TCF7L2: variants seen among roughly 807,000 people sequenced by gnomAD.
TCF7L2 encodes the protein transcription factor 7-like 2.
TCF7L2 carries 23 observed loss-of-function variants against 77.9 expected under a neutral mutation model. That is an observed-to-expected ratio of 0.30 (90% CI 0.21 to 0.42). The LOEUF (loss-of-function observed/expected upper bound fraction) is 0.42. TCF7L2 is among the 10% of genes least tolerant of loss of function. The probability of loss-of-function intolerance (pLI) is 1.00; values close to 1 mark genes in which losing one functional copy is unlikely to be tolerated. For missense variants in TCF7L2, 654 were observed against 793.1 expected (o/e 0.82, Z 2.11); for synonymous variants, 413 against 340.2 (o/e 1.21, Z -2.36).
rs1273523890 is a variant in TCF7L2 at position 113,151,972 on chromosome 10, C to G, written c.1161+88C>G. On this transcript the variant is annotated intron_variant, in intron 10 of 13. Coordinates refer to ENST00000627217, the MANE Select transcript of TCF7L2 (RefSeq NM_001146274.2). This position sits in a 1 kb window ranked among gnomAD's most constrained non-coding sequence, Gnocchi z 5.2. ...GTCAGGTGGCAGAATGTCTCTGTCC[C>G]CATTTCTTTGGAGAATTCTTGCCCT... is the stretch of plus-strand genomic sequence containing the variant. 2 of 1,501,838 alleles carry G rather than the reference C, an allele frequency of 1.3e-6. No homozygotes were observed. The highest frequency in any genetic ancestry group is 1.8e-6 in the Non-Finnish European group (2 of 1,126,990). The allele number at this position is 1,501,838 out of a possible 1,614,324, so 93.0% of individuals were successfully genotyped here.
rs139247223 is a variant in TCF7L2, at chr10:113,031,580, C to T, written c.451-8445C>T. 4.8e-3 allele frequency among the ~76,000 whole-genome samples: 732 copies of T among 151,860 alleles called. 8 individuals carry two copies. The highest frequency in any genetic ancestry group is 0.017 in the African/African-American group (696 of 41,350). On this transcript the variant is annotated intron_variant, in intron 4 of 13. Transcript: ENST00000627217. The stretch of plus-strand genomic sequence containing the variant: ...TTGGCTCACTATAACCTCTGCCTCC[C>T]AGGTTCAAGCAATTCTCCTGCTTTA...
intron 4 of TCF7L2, among the ~76,000 whole-genome samples, chr10:113,010,045 C>T (rs1261056230): frequency 6.6e-6 from 1 of 151,822 alleles, no homozygotes; most frequent in Non-Finnish European, 1.5e-5. Context: ...ATCTAGTTGG[C>T]TGGAACACAC....
At position 113,165,741 on chromosome 10, in the gene TCF7L2, G is replaced by A. The variant is rs2137651762; in HGVS notation, c.1578G>A (p.Leu526=). ...CGCTGTCCCTGAAGCCCGACCCCCT[G>A]GCCCACCTGTCCATGATGCCTCCGC... The change falls in exon 14 of 14, where the codon CTG becomes CTA. Residue 526 remains leucine (L), a synonymous_variant. Coordinates refer to ENST00000627217, the MANE Select transcript of TCF7L2 (RefSeq NM_001146274.2). 1 of 1,608,110 alleles carries A rather than the reference G, an allele frequency of 6.2e-7. No individual in the cohort carries two copies. Among genetic ancestry groups the A allele is most frequent in the Non-Finnish European group, 8.5e-7 (1 of 1,178,576 alleles).
intron 5 of TCF7L2, among the ~76,000 whole-genome samples, chr10:113,133,565 A>G (rs1247730424): frequency 6.6e-6 from 1 of 152,232 alleles, no homozygotes; most frequent in East Asian, 1.9e-4. Flanking sequence ...ACTTGAAGTG[A>G]TCGAGTTAGT....
chr10:113,013,755 A>G (rs982648454), intron 4 of TCF7L2, among the ~76,000 whole-genome samples: 4 of 152,192 alleles, frequency 2.6e-5, no homozygotes, highest in South Asian at 2.1e-4. Context: ...TCTGAGGTCT[A>G]CGGACCACTG....
At chr10:113,073,329 A>G (rs1179173976) in intron 5 of TCF7L2, among the ~76,000 whole-genome samples, 1 of 151,456 alleles carries the variant, frequency 6.6e-6, no homozygotes, top group Non-Finnish European at 1.5e-5. Context: ...TTGAATTATC[A>G]TCTTGGTGAT....
chr10:113,093,790 G>GA (rs1295792262), intron 5 of TCF7L2, among the ~76,000 whole-genome samples: 1 of 152,150 alleles, frequency 6.6e-6, no homozygotes, highest in African/African-American at 2.4e-5. Flanking sequence ...AATAGGGTGT[G>GA]ACCCATGGCA....
chr10:113,102,435 T>G (rs564602882), intron 5 of TCF7L2, among the ~76,000 whole-genome samples: 102 of 151,726 alleles, frequency 6.7e-4, no homozygotes, highest in East Asian at 1.2e-3. Context: ...TTGTTTTTTT[T>G]TTTTTTTGAG....
At chr10:113,069,896 C>T (rs941461484) in intron 5 of TCF7L2, among the ~76,000 whole-genome samples, 1 of 152,000 alleles carries the variant, frequency 6.6e-6, no homozygotes. Flanking sequence ...GATAGCGGCT[C>T]CCACTGGATC....
At chr10:113,157,126 T>G (rs1210582335) in intron 11 of TCF7L2, among the ~76,000 whole-genome samples, 2 of 152,182 alleles carry the variant, frequency 1.3e-5, no homozygotes, top group Admixed American at 6.5e-5. Context: ...GTTTTTTGTT[T>G]TTTTGTTTTT....
At chr10:113,043,853 G>A (rs1490795457) in intron 5 of TCF7L2, among the ~76,000 whole-genome samples, 1 of 152,070 alleles carries the variant, frequency 6.6e-6, no homozygotes, top group Non-Finnish European at 1.5e-5. Flanking sequence ...GTCTTGGCTG[G>A]TAAGCTGTGG....
intron 8 of TCF7L2, 57 bp from the exon 9 acceptor site, chr10:113,150,941 T>C: frequency 1.2e-6 from 2 of 1,609,806 alleles, no homozygotes; most frequent in Non-Finnish European, 1.7e-6. Flanking sequence ...TGTGTACACA[T>C]CCCTCCTCAT....
chr10:113,080,153 G>A (rs894873141), intron 5 of TCF7L2, among the ~76,000 whole-genome samples: 4 of 151,696 alleles, frequency 2.6e-5, no homozygotes, highest in African/African-American at 2.4e-5. Flanking sequence ...CCTCTTTAAC[G>A]TGATTTTTAC....
At chr10:113,043,791 A>G (rs2052920814) in intron 5 of TCF7L2, among the ~76,000 whole-genome samples, 1 of 151,644 alleles carries the variant, frequency 6.6e-6, no homozygotes, top group African/African-American at 2.4e-5. Flanking sequence ...TTTTCCTCTT[A>G]CAAAATGAGT....
At chr10:112,964,813 G>GATGGTGGTGGTGGTGGTGATGGTGGT (rs1276867418) in intron 4 of TCF7L2, among the ~76,000 whole-genome samples, 189 bp downstream of exon 4, 1 of 98,410 alleles carries the variant, frequency 1.0e-5, no homozygotes, top group Non-Finnish European at 1.8e-5. Context: ...TGGTGGTGGT[G>GATGGTGGTGGTGGTGGTGATGGTGGT]GGGGGGGGTT....
At chr10:113,086,335 T>G (rs1016489827) in intron 5 of TCF7L2, among the ~76,000 whole-genome samples, 1 of 152,200 alleles carries the variant, frequency 6.6e-6, no homozygotes, top group African/African-American at 2.4e-5. Flanking sequence ...TCCAGAATGA[T>G]CAGGCATCAG....
intron 5 of TCF7L2, chr10:113,129,890 T>C: frequency 7.7e-7 from 1 of 1,291,034 alleles, no homozygotes; most frequent in African/African-American, 1.5e-5. Flanking sequence ...ACAATTTTAG[T>C]GGGAATGGAA....
chr10:113,113,927 C>G (rs1430475234), intron 5 of TCF7L2, among the ~76,000 whole-genome samples: 2 of 152,158 alleles, frequency 1.3e-5, no homozygotes, highest in Non-Finnish European at 2.9e-5. Flanking sequence ...TGTGATTCCA[C>G]TTTTCAAAAC....
chr10:113,015,569 A>G (rs2133742032), intron 4 of TCF7L2, among the ~76,000 whole-genome samples: 1 of 151,996 alleles, frequency 6.6e-6, no homozygotes, highest in East Asian at 1.9e-4. Context: ...CCTGGGCTCA[A>G]GCAATCCCCC....
Sources: gnomAD v4.1 joint callset for allele counts (sites outside exome capture counted in the v4.1 genomes callset) on GRCh38, gnomAD v4.1.1 for gene constraint, Gnocchi (gnomAD v3.1) non-coding constraint, MANE v1.5 for transcripts, NCBI Gene and HGNC (gene_info 2026-07-23, HGNC 2026-07-21) for gene names.